Variants in STPG2 observed in about 807,000 individuals in gnomAD.
STPG2 encodes the protein sperm tail PG-rich repeat containing 2.
STPG2 carries 56 observed loss-of-function variants against 54.2 expected under a neutral mutation model. That is an observed-to-expected ratio of 1.03 (90% CI 0.83 to 1.29). STPG2 has a LOEUF of 1.29. Ranked by LOEUF, STPG2 falls within the 50% of genes most tolerant of loss-of-function variation. The pLI, the probability that STPG2 is intolerant of heterozygous loss-of-function variation, is 0.00. For synonymous variants in STPG2, 200 were observed against 181.8 expected, an observed-to-expected ratio of 1.10 and a Z score of -0.81; for missense variants, 596 against 544.9, an observed-to-expected ratio of 1.09 and a Z score of -0.93.
intron 4 of STPG2, among the ~76,000 whole-genome samples, chr4:97,507,391 T>C (rs1273768865): frequency 6.6e-6 from 1 of 152,008 alleles, no homozygotes; most frequent in Non-Finnish European, 1.5e-5. Context: ...ACAGAACAAA[T>C]TGACAAAACG....
intron 8 of STPG2, among the ~76,000 whole-genome samples, chr4:97,941,228 G>A (rs1303103432): frequency 6.6e-6 from 1 of 151,776 alleles, no homozygotes; most frequent in Non-Finnish European, 1.5e-5. Context: ...TTTACTCTGT[G>A]GAAGCTTCAA....
chr4:98,065,450 A>T (rs1221516241), intron 5 of STPG2, among the ~76,000 whole-genome samples: 1 of 152,190 alleles, frequency 6.6e-6, no homozygotes, highest in African/African-American at 2.4e-5. Context: ...TAAAAAATAG[A>T]TTTCTTCCAC....
chr4:98,030,280 G>A (rs6834014), intron 5 of STPG2, among the ~76,000 whole-genome samples: 59,891 of 151,806 alleles, frequency 0.39, 12,044 homozygotes, highest in Middle Eastern at 0.46. Context: ...AATTAATCTG[G>A]CTTCTGCACA....
chr4:97,792,693 T>C (rs895860479), intron 9 of STPG2, among the ~76,000 whole-genome samples: 19 of 151,952 alleles, frequency 1.3e-4, no homozygotes, highest in Non-Finnish European at 5.9e-5. Context: ...ACATTACATG[T>C]CTAGGCACAT....
At chr4:97,904,773 G>C (rs1406522312) in intron 8 of STPG2, among the ~76,000 whole-genome samples, 2 of 152,178 alleles carry the variant, frequency 1.3e-5, no homozygotes, top group African/African-American at 2.4e-5. Context: ...GGAGCTGATG[G>C]AGCTGAAAAC....
At chr4:97,949,240 T>C (rs956653309) in intron 7 of STPG2, among the ~76,000 whole-genome samples, 2 of 152,170 alleles carry the variant, frequency 1.3e-5, no homozygotes, top group Non-Finnish European at 1.5e-5. Context: ...TAGCTACTCC[T>C]GGTCACTTTG....
intron 8 of STPG2, among the ~76,000 whole-genome samples, chr4:97,844,658 T>C (rs1309284087): frequency 6.6e-6 from 1 of 152,072 alleles, no homozygotes; most frequent in African/African-American, 2.4e-5. Context: ...TCTCCTTAAA[T>C]GTATTCACCT....
intron 8 of STPG2, among the ~76,000 whole-genome samples, chr4:97,875,244 T>C (rs926420996): frequency 4.6e-5 from 7 of 151,932 alleles, no homozygotes; most frequent in Admixed American, 3.9e-4. Flanking sequence ...GTAGGCGAAA[T>C]TTTAACTATT....
chr4:98,111,764 T>A (rs2110146685), intron 3 of STPG2, among the ~76,000 whole-genome samples: 1 of 152,140 alleles, frequency 6.6e-6, no homozygotes, highest in South Asian at 2.1e-4. Context: ...CAGTGAACCA[T>A]CCTCACCCAA....
At chr4:97,486,333 AC>A (rs1403134204) in intron 4 of STPG2, among the ~76,000 whole-genome samples, 2 of 151,942 alleles carry the variant, frequency 1.3e-5, no homozygotes, top group African/African-American at 4.8e-5. Context: ...CAAGAAAAAA[AC>A]AATCCCATCA....
chr4:97,762,999 G>T (rs1197583675), intron 9 of STPG2, among the ~76,000 whole-genome samples: 5 of 151,972 alleles, frequency 3.3e-5, no homozygotes, highest in Non-Finnish European at 7.4e-5. Flanking sequence ...ACATACCTCT[G>T]TTTCCCATTG....
At chr4:98,019,922 G>C (rs966825760) in intron 5 of STPG2, among the ~76,000 whole-genome samples, 4 of 121,636 alleles carry the variant, frequency 3.3e-5, no homozygotes, top group African/African-American at 9.9e-5. Flanking sequence ...TTTGGGCTGA[G>C]ACAATGGGGT....
At chr4:97,895,276 A>C (rs1362361922) in intron 8 of STPG2, among the ~76,000 whole-genome samples, 1 of 151,918 alleles carries the variant, frequency 6.6e-6, no homozygotes, top group Non-Finnish European at 1.5e-5. Flanking sequence ...TGACAAAGGA[A>C]ACAAAAAGGC....
At chr4:97,698,245 T>C (rs986957921) in intron 10 of STPG2, among the ~76,000 whole-genome samples, 3 of 152,154 alleles carry the variant, frequency 2.0e-5, no homozygotes, top group Admixed American at 1.3e-4. Flanking sequence ...TTGGCAGAAC[T>C]GTTGGAGTTT....
chr4:97,564,278 C>T (rs1297620444), intron 10 of STPG2, among the ~76,000 whole-genome samples: 1 of 151,794 alleles, frequency 6.6e-6, no homozygotes, highest in Non-Finnish European at 1.5e-5. Flanking sequence ...TTGTTTTCCA[C>T]TTGCTTGGTA....
At chr4:97,517,144 G>C (rs553724253) in intron 4 of STPG2, among the ~76,000 whole-genome samples, 1 of 152,104 alleles carries the variant, frequency 6.6e-6, no homozygotes, top group South Asian at 2.1e-4. Flanking sequence ...CTGACCTCAA[G>C]TGATTCGCCC....
At chr4:97,728,216 CA>C (rs1013239773) in intron 9 of STPG2, among the ~76,000 whole-genome samples, 164 of 148,320 alleles carry the variant, frequency 1.1e-3, no homozygotes, top group Middle Eastern at 3.5e-3. Flanking sequence ...CTCCTCTAAT[CA>C]AAAAAAAAAT....
At chr4:97,510,843 C>T (rs1264089717) in intron 4 of STPG2, among the ~76,000 whole-genome samples, 1 of 152,080 alleles carries the variant, frequency 6.6e-6, no homozygotes, top group Non-Finnish European at 1.5e-5. Context: ...TGGCTCACGC[C>T]GGTAATCCCA....
At chr4:97,473,847 A>G (rs922533210) in intron 4 of STPG2, among the ~76,000 whole-genome samples, 4 of 152,128 alleles carry the variant, frequency 2.6e-5, no homozygotes, top group African/African-American at 7.2e-5. Context: ...GCCGATGCTT[A>G]GGGAAAATAG....
Sources: allele counts gnomAD v4.1 joint callset (sites outside exome capture counted in the v4.1 genomes callset), GRCh38; gene constraint gnomAD v4.1.1; transcripts MANE v1.5; gene names NCBI Gene and HGNC (gene_info 2026-07-23, HGNC 2026-07-21).